The following EVL variants were observed in gnomAD, a reference collection of about 807,000 sequenced individuals.
EVL encodes the protein Enah/Vasp-like, also known as ena/VASP-like protein.
In EVL, 21 loss-of-function variants were observed where a neutral mutation model predicts 59.6. That is an observed-to-expected ratio of 0.35 (90% CI 0.25 to 0.51). The LOEUF (loss-of-function observed/expected upper bound fraction) is 0.51. Ranked by LOEUF, EVL falls within the 20% of genes least tolerant of loss-of-function variation. EVL has a pLI of 0.97. For synonymous variants in EVL, 198 were observed against 203.5 expected (o/e 0.97, Z 0.23); for missense variants, 462 against 546.6 (o/e 0.85, Z 1.54).
intron 1 of EVL, among the ~76,000 whole-genome samples, chr14:100,002,881 G>A (rs2060954524): frequency 6.6e-6 from 1 of 152,104 alleles, no homozygotes; most frequent in Non-Finnish European, 1.5e-5. Flanking sequence ...AATAAAAGCA[G>A]CATGAAGCCA....
At chr14:99,995,758 A>G (rs1347854589) in intron 1 of EVL, among the ~76,000 whole-genome samples, 1 of 152,084 alleles carries the variant, frequency 6.6e-6, no homozygotes, top group African/African-American at 2.4e-5. Context: ...TCACCAGTCA[A>G]CTTTACTAGA....
chr14:100,013,633 A>G (rs2061031493), intron 1 of EVL, among the ~76,000 whole-genome samples: 1 of 152,208 alleles, frequency 6.6e-6, no homozygotes, highest in African/African-American at 2.4e-5. Flanking sequence ...CCATGAGAAA[A>G]GAATAGTATT....
intron 7 of EVL, 120 bp downstream of exon 7, chr14:100,129,804 A>G (rs1888317628): frequency 5.1e-6 from 7 of 1,375,186 alleles, no homozygotes; most frequent in Non-Finnish European, 6.7e-6. Flanking sequence ...GGTTTAGCCA[A>G]GCAGGGGAAA....
At chr14:99,982,687 A>G (rs996271145) in intron 1 of EVL, among the ~76,000 whole-genome samples, 1 of 152,194 alleles carries the variant, frequency 6.6e-6, no homozygotes, top group African/African-American at 2.4e-5. Context: ...ACGAAGATGC[A>G]TTGTCTTTGT....
intron 1 of EVL, among the ~76,000 whole-genome samples, chr14:100,028,614 C>T (rs2061260628): frequency 6.6e-6 from 1 of 152,118 alleles, no homozygotes; most frequent in Non-Finnish European, 1.5e-5. Flanking sequence ...AGATCAGCGC[C>T]ATCCTGGTCA....
intron 1 of EVL, among the ~76,000 whole-genome samples, chr14:99,981,041 C>T (rs937981807): frequency 1.3e-5 from 2 of 149,284 alleles, no homozygotes; most frequent in African/African-American, 2.5e-5. Context: ...TTGAGACCGG[C>T]GGCGGTGGGC....
chr14:100,065,063 G>T (rs913147688), upstream of EVL, among the ~76,000 whole-genome samples: 2 of 152,044 alleles, frequency 1.3e-5, no homozygotes, highest in East Asian at 3.9e-4. Flanking sequence ...TTCTATAACA[G>T]ATGGAAAACT....
intron 1 of EVL, among the ~76,000 whole-genome samples, chr14:99,993,685 C>CTTTTTTTTTTTTTTTTTTTTTT (rs532512303): frequency 3.8e-5 from 3 of 78,264 alleles, no homozygotes; most frequent in Non-Finnish European, 4.7e-5. Flanking sequence ...TTCTTTCTTT[C>CTTTTTTTTTTTTTTTTTTTTTT]TTTTTTTTTT....
At chr14:100,017,518 T>G (rs2061060455) in intron 1 of EVL, among the ~76,000 whole-genome samples, 1 of 152,208 alleles carries the variant, frequency 6.6e-6, no homozygotes, top group Non-Finnish European at 1.5e-5. Flanking sequence ...AACTCCTACT[T>G]TATTGGTTTC....
rs181041212 is a variant in EVL, at chr14:100,035,577, T to C, written c.6-49110T>C. ...AGCGCTGAGATGTACAGGTGCGTCA[T>C]TTACCCTCTTTGAGACATTTGTTTT... On this transcript the variant is annotated intron_variant, in intron 1 of 13. Transcript: ENST00000402714. 2.2e-4 allele frequency among the ~76,000 whole-genome samples: 34 copies of C among 152,254 alleles called. No individual in the cohort carries two copies. The East Asian group carries it at 6.6e-3, about 29-fold the overall frequency.
intron 3 of EVL, among the ~76,000 whole-genome samples, chr14:100,099,179 C>CAAAAAAAAAAA (rs57154685): frequency 5.9e-5 from 3 of 51,248 alleles, no homozygotes; most frequent in Non-Finnish European, 8.4e-5. Context: ...CCTGTCTCTA[C>CAAAAAAAAAAA]AAAAAAAAAA....
intron 4 of EVL, among the ~76,000 whole-genome samples, chr14:100,125,416 A>G (rs367767501): frequency 4.6e-5 from 7 of 152,244 alleles, no homozygotes; most frequent in African/African-American, 1.7e-4. Flanking sequence ...TGACTTGAGT[A>G]TTTTTCACAC....
At chr14:100,020,480 C>T (rs546323549) in intron 1 of EVL, among the ~76,000 whole-genome samples, 3 of 151,536 alleles carry the variant, frequency 2.0e-5, no homozygotes, top group East Asian at 3.9e-4. Flanking sequence ...TGTGTGTGCA[C>T]GCACACACAC....
At chr14:100,012,421 CT>C (rs2140193577) in intron 1 of EVL, among the ~76,000 whole-genome samples, 1 of 152,242 alleles carries the variant, frequency 6.6e-6, no homozygotes, top group African/African-American at 2.4e-5. Context: ...ATTTTATCTT[CT>C]TGATTATTCC....
At chr14:100,011,135 A>G (rs904860317) in intron 1 of EVL, among the ~76,000 whole-genome samples, 2 of 152,250 alleles carry the variant, frequency 1.3e-5, no homozygotes, top group Non-Finnish European at 1.5e-5. Context: ...GTTCATTGGA[A>G]TAGATGATAA....
intron 1 of EVL, among the ~76,000 whole-genome samples, chr14:100,001,092 A>T (rs573253040): frequency 7.2e-5 from 11 of 152,328 alleles, no homozygotes; most frequent in East Asian, 1.9e-4. Flanking sequence ...CAATCCTGGA[A>T]AATTGATAGA....
At chr14:100,085,865 C>G (rs987008980) in intron 2 of EVL, among the ~76,000 whole-genome samples, 2 of 152,182 alleles carry the variant, frequency 1.3e-5, no homozygotes, top group African/African-American at 4.8e-5. Flanking sequence ...CGGTGGCTCA[C>G]GCCTGTAATC....
chr14:100,014,282 CT>C (rs1159462633), intron 1 of EVL, among the ~76,000 whole-genome samples: 10 of 151,940 alleles, frequency 6.6e-5, no homozygotes, highest in African/African-American at 2.2e-4. Context: ...TTTTTAGCCC[CT>C]ATTCTAATTT....
intron 1 of EVL, among the ~76,000 whole-genome samples, chr14:100,027,220 T>C (rs1421914521): frequency 4.6e-5 from 7 of 152,208 alleles, no homozygotes; most frequent in Non-Finnish European, 1.5e-5. Context: ...GGAATGCCCA[T>C]CTCAAGCGTT....
Sources: gnomAD v4.1 joint callset for allele counts (sites outside exome capture counted in the v4.1 genomes callset) on GRCh38, gnomAD v4.1.1 for gene constraint, MANE v1.5 for transcripts, NCBI Gene and HGNC (gene_info 2026-07-23, HGNC 2026-07-21) for gene names.